The following MEGF10 variants were observed in gnomAD, a reference collection of about 807,000 sequenced individuals.
MEGF10 encodes the protein multiple epidermal growth factor-like domains protein 10.
In MEGF10, 86 loss-of-function variants were observed where a neutral mutation model predicts 147.5. The ratio of observed to expected loss-of-function variants is 0.58; its 90% CI spans 0.49 to 0.70. The LOEUF (loss-of-function observed/expected upper bound fraction) is 0.70, where lower values mean the gene tolerates loss of function less well. MEGF10 is among the 30% of genes least tolerant of loss of function. MEGF10 has a pLI of 0.00. For missense variants in MEGF10, 1,329 were observed against 1,487.3 expected, an observed-to-expected ratio of 0.89 and a Z score of 1.75; for synonymous variants, 478 against 525.5, an observed-to-expected ratio of 0.91 and a Z score of 1.24.
chr5:127,265,510 G>A, the MEGF10 span, among the ~76,000 whole-genome samples: 1 of 152,076 alleles, frequency 6.6e-6, no homozygotes, highest in Non-Finnish European at 1.5e-5. Flanking sequence ...CTTCCACAAT[G>A]GTTGAACTAG....
chr5:127,454,086 C>T (rs1266239257), intron 22 of MEGF10, among the ~76,000 whole-genome samples: 1 of 152,180 alleles, frequency 6.6e-6, no homozygotes, highest in Non-Finnish European at 1.5e-5. Flanking sequence ...GAGCTAGTAT[C>T]ACCTGTAAAG....
chr5:127,250,705 A>G, the MEGF10 span, among the ~76,000 whole-genome samples: 1 of 152,054 alleles, frequency 6.6e-6, no homozygotes, highest in Non-Finnish European at 1.5e-5. Context: ...CATGACACAT[A>G]AATATTATAA....
the MEGF10 span, among the ~76,000 whole-genome samples, chr5:127,254,247 C>T: frequency 5.5e-4 from 84 of 152,176 alleles, no homozygotes; most frequent in African/African-American, 1.3e-3. Flanking sequence ...AACCAGTCTC[C>T]GTCCCCCAAC....
chr5:127,445,724 T>A, intron 20 of MEGF10, 31 bp downstream of exon 20: 1 of 1,553,334 alleles, frequency 6.4e-7, no homozygotes, highest in Non-Finnish European at 8.9e-7. Flanking sequence ...GGCATTTTGC[T>A]TCTTGAAAAG....
chr5:127,248,317 T>C, the MEGF10 span, among the ~76,000 whole-genome samples: 623 of 152,180 alleles, frequency 4.1e-3, 6 homozygotes, highest in African/African-American at 0.014. Context: ...TTTGCAACAT[T>C]TTATGTGCAA....
intron 7 of MEGF10, 123 bp from the exon 8 acceptor site, chr5:127,402,423 C>A: frequency 9.6e-7 from 1 of 1,046,730 alleles, no homozygotes; most frequent in Non-Finnish European, 1.4e-6. Flanking sequence ...ATTCTCTAAT[C>A]TAATTTTCTT....
intron 5 of MEGF10, among the ~76,000 whole-genome samples, chr5:127,391,651 C>CATT (rs748990114): frequency 5.1e-4 from 77 of 150,682 alleles, no homozygotes; most frequent in South Asian, 8.4e-4. Flanking sequence ...TCAGTCTCAA[C>CATT]ATTATTATTA....
chr5:127,289,685 C>T (rs1427753724), upstream of MEGF10, among the ~76,000 whole-genome samples: 1 of 152,180 alleles, frequency 6.6e-6, no homozygotes, highest in Non-Finnish European at 1.5e-5. Flanking sequence ...TTCATTCATT[C>T]CATTCATTTA....
At chr5:127,232,768 A>C in the MEGF10 span, among the ~76,000 whole-genome samples, 3 of 152,114 alleles carry the variant, frequency 2.0e-5, no homozygotes, top group Non-Finnish European at 4.4e-5. Flanking sequence ...TAAATGGATG[A>C]ATACAAGCAT....
At chr5:127,412,587 G>A (rs764643979) in intron 9 of MEGF10, among the ~76,000 whole-genome samples, 50 of 152,164 alleles carry the variant, frequency 3.3e-4, no homozygotes, top group Non-Finnish European at 6.3e-4. Flanking sequence ...ATTGTCTTTA[G>A]GTACATATTG....
At chr5:127,441,231 A>G (rs1255840719) in intron 18 of MEGF10, among the ~76,000 whole-genome samples, 3 of 152,230 alleles carry the variant, frequency 2.0e-5, no homozygotes, top group South Asian at 4.1e-4. Context: ...CGGGTCTCAC[A>G]TTGGAGGACA....
intron 8 of MEGF10, among the ~76,000 whole-genome samples, chr5:127,408,971 G>A (rs1186409033): frequency 2.0e-5 from 3 of 152,106 alleles, no homozygotes; most frequent in African/African-American, 7.2e-5. Context: ...TAGCTACTCA[G>A]GCGGCAGAGG....
At chr5:127,411,152 G>A (rs1437816978) in intron 9 of MEGF10, among the ~76,000 whole-genome samples, 1 of 152,114 alleles carries the variant, frequency 6.6e-6, no homozygotes, top group East Asian at 1.9e-4. Flanking sequence ...AACTCACAAG[G>A]GACTTTTAGC....
At chr5:127,349,234 A>C (rs1762002881) in intron 4 of MEGF10, among the ~76,000 whole-genome samples, 1 of 152,142 alleles carries the variant, frequency 6.6e-6, no homozygotes, top group South Asian at 2.1e-4. Context: ...AATCTTCACA[A>C]GGTTGAAAGA....
intron 2 of MEGF10, among the ~76,000 whole-genome samples, chr5:127,338,228 G>T (rs915175815): frequency 6.6e-6 from 1 of 152,038 alleles, no homozygotes; most frequent in Non-Finnish European, 1.5e-5. Context: ...GTGAATTAAA[G>T]ATTTTACTGA....
chr5:127,371,890 A>C (rs958947090), intron 5 of MEGF10, among the ~76,000 whole-genome samples: 10 of 152,228 alleles, frequency 6.6e-5, no homozygotes, highest in Admixed American at 3.3e-4. Flanking sequence ...AAACATGAAC[A>C]GATGTCTGAA....
intron 13 of MEGF10, among the ~76,000 whole-genome samples, chr5:127,427,491 G>T (rs1765240515): frequency 6.6e-6 from 1 of 152,006 alleles, no homozygotes; most frequent in South Asian, 2.1e-4. Context: ...GAGGTTGGGG[G>T]CTCATCTGAG....
chr5:127,379,509 C>T (rs1348524442), intron 5 of MEGF10, among the ~76,000 whole-genome samples: 1 of 152,042 alleles, frequency 6.6e-6, no homozygotes, highest in Non-Finnish European at 1.5e-5. Context: ...TTATGGAACA[C>T]ACTCGTCTTA....
chr5:127,347,924 G>A (rs1761953102), intron 4 of MEGF10, among the ~76,000 whole-genome samples: 1 of 151,960 alleles, frequency 6.6e-6, no homozygotes, highest in South Asian at 2.1e-4. Context: ...GTTGCTGTTA[G>A]GATCTAGTAA....
Sources: allele counts gnomAD v4.1 joint callset (sites outside exome capture counted in the v4.1 genomes callset), GRCh38; gene constraint gnomAD v4.1.1; transcripts MANE v1.5; gene names NCBI Gene and HGNC (gene_info 2026-07-23, HGNC 2026-07-21).